Variants in CEP63 observed in about 807,000 individuals in gnomAD.
CEP63 encodes centrosomal protein of 63 kDa.
In CEP63, 84 loss-of-function variants were observed where a neutral mutation model predicts 89.1. That is an observed-to-expected ratio of 0.94 (90% CI 0.79 to 1.13). The LOEUF (loss-of-function observed/expected upper bound fraction) is 1.13. Ranked by LOEUF, CEP63 falls within the 50% of genes most tolerant of loss-of-function variation. The probability of loss-of-function intolerance (pLI) is 0.00; values close to 1 mark genes in which losing one functional copy is unlikely to be tolerated. For missense variants in CEP63, 838 were observed against 813.3 expected (o/e 1.03, Z -0.37); for synonymous variants, 267 against 272.5 (o/e 0.98, Z 0.20).
chr3:134,515,291 G>C (rs1351987645), intron 3 of CEP63, among the ~76,000 whole-genome samples: 2 of 152,142 alleles, frequency 1.3e-5, no homozygotes, highest in African/African-American at 2.4e-5. Context: ...AGCTTATTAA[G>C]TACAAATATT....
the CEP63 span, among the ~76,000 whole-genome samples, chr3:134,668,217 G>T: frequency 6.6e-6 from 1 of 152,196 alleles, no homozygotes; most frequent in Non-Finnish European, 1.5e-5. Context: ...GTTGGTCTGG[G>T]GGCTACACTG....
chr3:134,553,407 C>T (rs1489640831), intron 12 of CEP63: 1 of 151,928 alleles, frequency 6.6e-6, no homozygotes, highest in Non-Finnish European at 1.5e-5. Context: ...AGGGAGAAAA[C>T]AGTTTATAAT....
the CEP63 span, among the ~76,000 whole-genome samples, chr3:134,775,500 G>A: frequency 2.0e-5 from 3 of 152,138 alleles, no homozygotes; most frequent in African/African-American, 7.2e-5. Context: ...TTGGCCAAAG[G>A]CAATTCTCCA....
At chr3:134,576,198 C>T (rs1250474863), downstream of CEP63, among the ~76,000 whole-genome samples, 7 of 152,270 alleles carry the variant, frequency 4.6e-5, no homozygotes, top group African/African-American at 1.7e-4. Context: ...CAAGCCAGCC[C>T]TTTCTCCTCT....
intron 2 of CEP63, among the ~76,000 whole-genome samples, chr3:134,496,867 G>T (rs1333346112): frequency 6.6e-6 from 1 of 152,022 alleles, no homozygotes; most frequent in Admixed American, 6.6e-5. Context: ...TTCCATAATG[G>T]CTGTACTAAT....
At chr3:134,622,271 A>G in the CEP63 span, among the ~76,000 whole-genome samples, 1 of 152,252 alleles carries the variant, frequency 6.6e-6, no homozygotes, top group Non-Finnish European at 1.5e-5. Flanking sequence ...CCCAATGTTC[A>G]TTGCAGCACT....
chr3:134,561,581 G>A lies in CEP63; in HGVS notation c.*46G>A, dbSNP rs1957352007. On this transcript the variant is annotated 3_prime_UTR_variant, in exon 15 of 15. Coordinates refer to ENST00000675561, the MANE Select transcript of CEP63 (RefSeq NM_001353108.3). ...CTTGGAAATAAAAATAAACACCAAA[G>A]AGTTACTGTCATCTGAAGTAGCAGC... 1 of 1,576,108 alleles carries A rather than the reference G, an allele frequency of 6.3e-7. No homozygotes were observed. Among genetic ancestry groups the A allele is most frequent in the Admixed American group, 1.8e-5 (1 of 54,214 alleles).
chr3:134,701,980 A>C, the CEP63 span, among the ~76,000 whole-genome samples: 6 of 152,252 alleles, frequency 3.9e-5, no homozygotes, highest in Admixed American at 2.6e-4. Flanking sequence ...CTTTGATATG[A>C]CTGTATTGGA....
intron 12 of CEP63, among the ~76,000 whole-genome samples, chr3:134,555,476 G>A (rs1269876053): frequency 1.9e-4 from 28 of 149,100 alleles, no homozygotes; most frequent in African/African-American, 6.1e-4. Flanking sequence ...TTATACACCA[G>A]CAACAGACAA....
intron 6 of CEP63, among the ~76,000 whole-genome samples, chr3:134,543,173 A>C (rs1952406007): frequency 6.6e-6 from 1 of 152,222 alleles, no homozygotes; most frequent in Admixed American, 6.5e-5. Flanking sequence ...AATTTTAATA[A>C]TATATTCAAC....
At chr3:134,518,715 G>A (rs139334672) in intron 3 of CEP63, among the ~76,000 whole-genome samples, 58 of 151,904 alleles carry the variant, frequency 3.8e-4, no homozygotes, top group African/African-American at 1.3e-3. Context: ...TATTAGAAAG[G>A]CTGAAAGTGA....
chr3:134,653,781 G>A, the CEP63 span, among the ~76,000 whole-genome samples: 2 of 152,172 alleles, frequency 1.3e-5, no homozygotes, highest in Non-Finnish European at 2.9e-5. Context: ...ATAACAGAAC[G>A]CTCAGCCTGC....
At chr3:134,519,309 T>C (rs1946918713) in intron 3 of CEP63, among the ~76,000 whole-genome samples, 1 of 151,600 alleles carries the variant, frequency 6.6e-6, no homozygotes, top group African/African-American at 2.4e-5. Context: ...TTTTTTTTTT[T>C]CTTAAGTAGA....
the CEP63 span, among the ~76,000 whole-genome samples, chr3:134,696,392 T>G: frequency 6.6e-6 from 1 of 152,230 alleles, no homozygotes. Flanking sequence ...GTCTCAGGGC[T>G]GTTGGTTGAC....
the CEP63 span, among the ~76,000 whole-genome samples, chr3:134,638,445 A>C: frequency 2.0e-5 from 3 of 152,208 alleles, no homozygotes; most frequent in Middle Eastern, 3.2e-3. Flanking sequence ...CCAAACCTAC[A>C]GGAGGCCTTT....
chr3:134,570,126 T>C (rs1465048030), intron 11 of CEP63, among the ~76,000 whole-genome samples: 1 of 152,190 alleles, frequency 6.6e-6, no homozygotes, highest in African/African-American at 2.4e-5. Flanking sequence ...CCTCCAGGCC[T>C]GTGATGGGAG....
the CEP63 span, among the ~76,000 whole-genome samples, chr3:134,755,337 G>A: frequency 6.6e-6 from 1 of 152,192 alleles, no homozygotes; most frequent in Non-Finnish European, 1.5e-5. Context: ...GACCTCTAGT[G>A]GAGAGTCTGT....
At chr3:134,742,512 G>A in the CEP63 span, among the ~76,000 whole-genome samples, 1 of 152,132 alleles carries the variant, frequency 6.6e-6, no homozygotes, top group Non-Finnish European at 1.5e-5. Flanking sequence ...TTTTCTGAGT[G>A]GTCTCAGATC....
the CEP63 span, chr3:134,607,769 C>T: frequency 1.0e-6 from 1 of 986,038 alleles, no homozygotes; most frequent in Non-Finnish European, 1.2e-6. Flanking sequence ...TCAGCCCAGG[C>T]CAGCCATGGG....
Sources: allele counts gnomAD v4.1 joint callset (sites outside exome capture counted in the v4.1 genomes callset), GRCh38; gene constraint gnomAD v4.1.1; transcripts MANE v1.5; gene names NCBI Gene and HGNC (gene_info 2026-07-23, HGNC 2026-07-21).